Variants in KSR1 observed in about 807,000 individuals in gnomAD.
KSR1 encodes kinase suppressor of ras.
KSR1 carries 35 observed loss-of-function variants against 92.9 expected under a neutral mutation model. That is an observed-to-expected ratio of 0.38 (90% CI 0.29 to 0.50). The LOEUF is 0.50. KSR1 is among the 20% of genes least tolerant of loss of function. KSR1 has a pLI of 0.94. For synonymous variants in KSR1, 467 were observed against 472.6 expected (o/e 0.99, Z 0.15); for missense variants, 972 against 1,158.5 (o/e 0.84, Z 2.34).
At chr17:27,610,313 A>T in intron 17 of KSR1, 115 bp downstream of exon 17, 2 of 1,434,722 alleles carry the variant, frequency 1.4e-6, no homozygotes, top group South Asian at 1.3e-5. Flanking sequence ...GCTCTGGAGT[A>T]AAAAATCAAC....
intron 1 of KSR1, among the ~76,000 whole-genome samples, chr17:27,498,041 C>T (rs2150974307): frequency 6.6e-6 from 1 of 152,178 alleles, no homozygotes; most frequent in East Asian, 1.9e-4. Flanking sequence ...TTAAAAATGC[C>T]TCTTGAGGCT....
chr17:27,460,452 C>T (rs1340980645), intron 1 of KSR1, among the ~76,000 whole-genome samples: 4 of 152,246 alleles, frequency 2.6e-5, no homozygotes, highest in South Asian at 4.1e-4. Context: ...AGCAAGCTGG[C>T]GTGGAGAAAG....
chr17:27,500,549 T>C (rs1008543813), intron 1 of KSR1, among the ~76,000 whole-genome samples: 3 of 152,234 alleles, frequency 2.0e-5, no homozygotes, highest in African/African-American at 7.2e-5. Flanking sequence ...GAGATGTTCA[T>C]GTTCTGTTCT....
chr17:27,609,909 G>A (rs574755361), intron 16 of KSR1, 158 bp from the exon 17 acceptor site: 1 of 819,412 alleles, frequency 1.2e-6, no homozygotes, highest in East Asian at 2.7e-5. Flanking sequence ...AAAAGCACCG[G>A]TGCCTTTCCC....
rs758194810 is a variant in KSR1 at position 27,456,707 on chromosome 17, G to C, written c.64G>C (p.Asp22His). ...GEKKEGGGGGDAAAAEGGAGA... is the reference protein window; with the variant it reads ...GEKKEGGGGGHAAAAEGGAGA... ...GAAGAAGGAGGGCGGTGGCGGGGGG[G>C]ATGCGGCGGCCGCGGAGGGAGGCGC... The change falls in exon 1 of 21, where the codon GAT (aspartate) becomes CAT (histidine). Residue 22 changes from aspartate to histidine, a missense_variant. Transcript: ENST00000644974. 2.3e-6 allele frequency: 2 copies of C among 876,552 alleles called. No individual in the cohort carries two copies. Among genetic ancestry groups the C allele is most frequent in the Admixed American group, 4.1e-5 (2 of 48,684 alleles). 54.3% of individuals were successfully genotyped at this position (876,552 alleles called of 1,614,324 possible).
At chr17:27,582,560 G>A in intron 3 of KSR1, 86 bp from the exon 4 acceptor site, 1 of 1,190,592 alleles carries the variant, frequency 8.4e-7, no homozygotes, top group Non-Finnish European at 1.2e-6. Flanking sequence ...CTCACACCAG[G>A]TGTTGAACAT....
At chr17:27,542,670 G>A (rs1157793130) in intron 1 of KSR1, among the ~76,000 whole-genome samples, 2 of 152,134 alleles carry the variant, frequency 1.3e-5, no homozygotes, top group Non-Finnish European at 1.5e-5. Context: ...TAATCCAAAC[G>A]GCACCTGCCA....
At chr17:27,463,480 A>AG (rs987530279) in intron 1 of KSR1, among the ~76,000 whole-genome samples, 1 of 151,990 alleles carries the variant, frequency 6.6e-6, no homozygotes, top group Non-Finnish European at 1.5e-5. Context: ...AAAAAAAAAA[A>AG]AAAAGAGGCT....
intron 5 of KSR1, chr17:27,588,148 G>C (rs1420097911): frequency 5.2e-6 from 1 of 191,390 alleles, no homozygotes; most frequent in Admixed American, 6.1e-5. Flanking sequence ...GTTGGGCTGT[G>C]TAGAAGCTTC....
At position 27,564,182 on chromosome 17, in the gene KSR1, G is replaced by A. The variant is rs377510435; in HGVS notation, c.373-13310G>A. On this transcript the variant is annotated intron_variant, in intron 2 of 20. Coordinates refer to ENST00000644974, the MANE Select transcript of KSR1 (RefSeq NM_001394583.1). Reference sequence around the variant, plus strand: ...TTTTTTGTATTTTTAGTAAAGACAGGGTTTCACCATGTTGGCCAGGCTGGT... The same window carrying A: ...TTTTTTGTATTTTTAGTAAAGACAGAGTTTCACCATGTTGGCCAGGCTGGT... Among the ~76,000 whole-genome samples, 8 of 151,948 alleles carry A rather than the reference G, an allele frequency of 5.3e-5. No homozygotes were observed. The South Asian group carries it at 1.7e-3, about 32-fold the overall frequency.
At chr17:27,528,213 C>T (rs577645506) in intron 1 of KSR1, among the ~76,000 whole-genome samples, 8 of 152,112 alleles carry the variant, frequency 5.3e-5, no homozygotes, top group Non-Finnish European at 8.8e-5. Flanking sequence ...ATTACAGGTG[C>T]GTGCCACCAT....
chr17:27,473,898 A>C (rs907018506), intron 1 of KSR1, among the ~76,000 whole-genome samples: 1 of 151,926 alleles, frequency 6.6e-6, no homozygotes, highest in African/African-American at 2.4e-5. Context: ...ACCCCAGGCC[A>C]CTCTTCCAGC....
At chr17:27,480,073 T>C (rs982032057) in intron 1 of KSR1, among the ~76,000 whole-genome samples, 2 of 152,182 alleles carry the variant, frequency 1.3e-5, no homozygotes, top group African/African-American at 4.8e-5. Flanking sequence ...CAGAGACCAT[T>C]GACTCTCATT....
chr17:27,466,470 G>A (rs73983435), intron 1 of KSR1, among the ~76,000 whole-genome samples: 5,321 of 152,130 alleles, frequency 0.035, 286 homozygotes, highest in African/African-American at 0.12. Context: ...TGCCTGCCTG[G>A]AGTTTGCACT....
chr17:27,606,994 G>C (rs1038946690), intron 14 of KSR1, among the ~76,000 whole-genome samples: 3 of 151,870 alleles, frequency 2.0e-5, no homozygotes, highest in Non-Finnish European at 4.4e-5. Context: ...ACCACGCCTC[G>C]CTAATTTTTA....
intron 1 of KSR1, among the ~76,000 whole-genome samples, chr17:27,545,655 GA>G (rs906762170): frequency 2.6e-5 from 4 of 152,242 alleles, no homozygotes; most frequent in African/African-American, 9.6e-5. Flanking sequence ...AGACAAGCGT[GA>G]AAAATCAGAA....
chr17:27,560,046 A>T (rs2071759767), intron 2 of KSR1, among the ~76,000 whole-genome samples: 1 of 152,212 alleles, frequency 6.6e-6, no homozygotes, highest in Non-Finnish European at 1.5e-5. Flanking sequence ...TGACGGGGTG[A>T]GGAGCGCTGC....
At chr17:27,568,807 G>A (rs1244564103) in intron 2 of KSR1, among the ~76,000 whole-genome samples, 1 of 152,186 alleles carries the variant, frequency 6.6e-6, no homozygotes, top group Non-Finnish European at 1.5e-5. Context: ...TCCCTGTTGA[G>A]GGGCACGTCC....
intron 1 of KSR1, among the ~76,000 whole-genome samples, chr17:27,472,588 T>A (rs1597834521): frequency 6.6e-6 from 1 of 152,294 alleles, no homozygotes; most frequent in East Asian, 1.9e-4. Context: ...GTGGGCCGAT[T>A]ACCTGAGGTC....
Sources: allele counts gnomAD v4.1 joint callset (sites outside exome capture counted in the v4.1 genomes callset), GRCh38; gene constraint gnomAD v4.1.1; transcripts MANE v1.5; gene names NCBI Gene and HGNC (gene_info 2026-07-23, HGNC 2026-07-21).